WDPCP: variants seen among roughly 807,000 people sequenced by gnomAD.
WDPCP encodes WD repeat containing planar cell polarity effector, also known as WD repeat-containing and planar cell polarity effector protein fritz homolog.
Under a neutral mutation model 93.1 loss-of-function variants are expected in WDPCP, and 71 were observed. The observed-to-expected ratio is 0.76, with a 90% CI of 0.63 to 0.93. WDPCP has a LOEUF of 0.93. Ranked by LOEUF, WDPCP falls within the 40% of genes least tolerant of loss-of-function variation. WDPCP has a pLI of 0.00. For synonymous variants in WDPCP, 315 were observed against 315.0 expected (o/e 1.00, Z 0.00); for missense variants, 844 against 887.4 (o/e 0.95, Z 0.62).
chr2:63,335,117 C>G (rs969556043), intron 12 of WDPCP, among the ~76,000 whole-genome samples: 2 of 152,096 alleles, frequency 1.3e-5, no homozygotes, highest in Non-Finnish European at 2.9e-5. Context: ...ATTCTTCTAC[C>G]CCTTTCACAT....
intron 3 of WDPCP, among the ~76,000 whole-genome samples, chr2:63,625,384 A>G (rs1205344375): frequency 6.6e-6 from 1 of 152,224 alleles, no homozygotes; most frequent in African/African-American, 2.4e-5. Flanking sequence ...GAGGAAGTCA[A>G]ATTGTCTCTG....
chr2:63,213,288 G>A (rs763199667), intron 14 of WDPCP, among the ~76,000 whole-genome samples: 2 of 152,110 alleles, frequency 1.3e-5, no homozygotes, highest in Non-Finnish European at 2.9e-5. Flanking sequence ...AGACCACAGG[G>A]CAATCAAACT....
At chr2:63,252,987 G>C (rs977296503) in intron 14 of WDPCP, among the ~76,000 whole-genome samples, 1 of 152,100 alleles carries the variant, frequency 6.6e-6, no homozygotes, top group Non-Finnish European at 1.5e-5. Context: ...CAGAGCTGGA[G>C]GGATCACCAT....
Position 63,680,441 on chromosome 2 carries a change from A to C in WDPCP, n.309-29603T>G, listed in dbSNP as rs765259712. Reference sequence around the variant, plus strand: ...ATTGAACTCAGTGCTGCCCTGTCACAGTGGAAAGCAAAACCAGGTTGAGGT... The same window carrying C: ...ATTGAACTCAGTGCTGCCCTGTCACCGTGGAAAGCAAAACCAGGTTGAGGT... On this transcript the variant is annotated intron_variant and non_coding_transcript_variant, in intron 2 of 4. Coordinates refer to the WDPCP transcript ENST00000467687. Among the ~76,000 whole-genome samples, 8 of 152,342 alleles carry C rather than the reference A, an allele frequency of 5.3e-5. 1 individual carries two copies. The highest frequency in any genetic ancestry group is 4.1e-4 in the South Asian group (2 of 4,828).
intron 13 of WDPCP, among the ~76,000 whole-genome samples, chr2:63,263,641 A>G (rs1681845213): frequency 6.6e-6 from 1 of 152,232 alleles, no homozygotes. Context: ...GGATTAAGAC[A>G]ACAAATGTCT....
At chr2:63,830,826 G>A (rs999343008), upstream of WDPCP, among the ~76,000 whole-genome samples, 2 of 151,902 alleles carry the variant, frequency 1.3e-5, no homozygotes, top group Non-Finnish European at 2.9e-5. Flanking sequence ...TTTCTATTCT[G>A]TGTCTTCTCC....
intron 12 of WDPCP, among the ~76,000 whole-genome samples, chr2:63,319,414 T>G (rs1686918599): frequency 6.6e-6 from 1 of 152,234 alleles, no homozygotes; most frequent in Non-Finnish European, 1.5e-5. Context: ...TTAAAACAAA[T>G]GATCAGACTA....
At chr2:63,313,881 T>TAC (rs1686397059) in intron 12 of WDPCP, among the ~76,000 whole-genome samples, 2 of 79,116 alleles carry the variant, frequency 2.5e-5, no homozygotes, top group Admixed American at 1.4e-4. Context: ...TATATATATA[T>TAC]ATATATTTTT....
intron 15 of WDPCP, among the ~76,000 whole-genome samples, chr2:63,160,581 A>G (rs544850378): frequency 6.6e-6 from 1 of 152,264 alleles, no homozygotes; most frequent in East Asian, 1.9e-4. Context: ...GGGTTAATTT[A>G]TTATCCTAAA....
chr2:63,430,234 G>A (rs1696636991), intron 9 of WDPCP, among the ~76,000 whole-genome samples: 2 of 152,124 alleles, frequency 1.3e-5, no homozygotes, highest in South Asian at 4.1e-4. Context: ...CAGGGAGAGA[G>A]GGAGGAGGAC....
chr2:63,334,120 C>T (rs1165861462), intron 12 of WDPCP, among the ~76,000 whole-genome samples: 5 of 152,284 alleles, frequency 3.3e-5, no homozygotes, highest in African/African-American at 1.2e-4. Context: ...CAATTGCCGG[C>T]TTAACAATAC....
At chr2:63,592,684 A>T (rs189916776), upstream of WDPCP, among the ~76,000 whole-genome samples, 796 of 152,352 alleles carry the variant, frequency 5.2e-3, 4 homozygotes, top group Middle Eastern at 0.014. Flanking sequence ...ATCTTAAAAA[A>T]TTTTTTAAAG....
At chr2:63,571,420 A>T in intron 1 of WDPCP, 1 of 466,090 alleles carries the variant, frequency 2.1e-6, no homozygotes, top group Non-Finnish European at 4.4e-6. Flanking sequence ...TCCATCTGGT[A>T]TCATTTCCTT....
intron 17 of WDPCP, among the ~76,000 whole-genome samples, chr2:63,136,466 A>T (rs1295751835): frequency 6.6e-6 from 1 of 152,182 alleles, no homozygotes; most frequent in South Asian, 2.1e-4. Context: ...TGTATTATCT[A>T]TTATATACAG....
chr2:63,535,400 C>G (rs977840640), intron 1 of WDPCP, among the ~76,000 whole-genome samples: 68 of 152,282 alleles, frequency 4.5e-4, no homozygotes, highest in African/African-American at 1.6e-3. Flanking sequence ...CCGGCATTGC[C>G]AAGACAATCC....
intron 2 of WDPCP, chr2:63,751,643 C>T: frequency 2.1e-6 from 1 of 484,420 alleles, no homozygotes; most frequent in Non-Finnish European, 4.0e-6. Context: ...GCTTCCATGT[C>T]CCTTCTCTGG....
intron 2 of WDPCP, among the ~76,000 whole-genome samples, chr2:63,674,503 T>G (rs1710380942): frequency 6.6e-6 from 1 of 152,142 alleles, no homozygotes; most frequent in Admixed American, 6.5e-5. Flanking sequence ...ATAGTCAGAC[T>G]CATAAGAAGC....
At chr2:63,836,645 G>A in the WDPCP span, among the ~76,000 whole-genome samples, 1 of 152,142 alleles carries the variant, frequency 6.6e-6, no homozygotes, top group African/African-American at 2.4e-5. Flanking sequence ...ATTCACTAAA[G>A]GGAATGGCTC....
chr2:63,215,643 G>A (rs1174755595), intron 14 of WDPCP, among the ~76,000 whole-genome samples: 1 of 152,168 alleles, frequency 6.6e-6, no homozygotes, highest in Non-Finnish European at 1.5e-5. Flanking sequence ...TCAGGACATA[G>A]GCATGGGCAA....
Sources: allele counts gnomAD v4.1 joint callset (sites outside exome capture counted in the v4.1 genomes callset), GRCh38; gene constraint gnomAD v4.1.1; transcripts MANE v1.5; gene names NCBI Gene and HGNC (gene_info 2026-07-23, HGNC 2026-07-21).